Variants in ZNF184 observed in about 807,000 individuals in gnomAD.
The protein encoded by ZNF184 is zinc finger protein 184, also known as zinc finger protein 184 (Kruppel-like).
ZNF184 carries 16 observed loss-of-function variants against 54.4 expected under a neutral mutation model. The observed-to-expected ratio is 0.29, with a 90% CI of 0.20 to 0.45. The LOEUF (loss-of-function observed/expected upper bound fraction) is 0.45, where lower values mean the gene tolerates loss of function less well. Among genes scored for constraint, ZNF184 ranks in the 20% least tolerant of loss-of-function variants. The pLI is 1.00. For missense variants in ZNF184, 681 were observed against 888.2 expected (o/e 0.77, Z 2.97); for synonymous variants, 254 against 295.3 (o/e 0.86, Z 1.43).
intron 3 of ZNF184, among the ~76,000 whole-genome samples, chr6:27,462,713 A>G: frequency 6.6e-6 from 1 of 151,174 alleles, no homozygotes; most frequent in African/African-American, 2.4e-5. Context: ...AAGTGCAAAA[A>G]AATTAGCCAG....
chr6:27,448,555 A>G (rs1250496315), downstream of ZNF184, among the ~76,000 whole-genome samples: 1 of 151,870 alleles, frequency 6.6e-6, no homozygotes, highest in Non-Finnish European at 1.5e-5. Flanking sequence ...GAGGAACTAC[A>G]CCCCCAGCTC....
chr6:27,436,151 C>T, the ZNF184 span, among the ~76,000 whole-genome samples: 2 of 152,016 alleles, frequency 1.3e-5, no homozygotes, highest in Non-Finnish European at 2.9e-5. Flanking sequence ...GATTCCTAGT[C>T]TATGAGTATG....
chr6:27,456,887 C>G lies in ZNF184; in HGVS notation c.237G>C (p.Gln79His). The G allele has an allele frequency of 1.2e-6, 2 of 1,614,032 alleles. No homozygotes were observed. Among genetic ancestry groups the G allele is most frequent in the South Asian group, 2.2e-5 (2 of 91,082 alleles). ...LQVSKPDVIS[Q>H]LEQGTEPWIM... ...TCCATGGCTCTGTCCCTTGCTCTAA[C>G]TGGGAAATCACATCAGGTTTAGAAA... Residue 79 changes from glutamine (Q) to histidine (H), a missense_variant, in exon 5 of 6, where the codon CAG becomes CAC. Coordinates refer to ENST00000683788, the MANE Select transcript of ZNF184 (RefSeq NM_001318891.2).
At chr6:27,404,193 C>T in the ZNF184 span, 8 of 152,074 alleles carry the variant, frequency 5.3e-5, no homozygotes, top group African/African-American at 1.9e-4. Flanking sequence ...AGCATTCTGG[C>T]AACCAAAATG....
chr6:27,446,573 C>T (rs772647111), downstream of ZNF184, among the ~76,000 whole-genome samples: 8 of 152,156 alleles, frequency 5.3e-5, no homozygotes, highest in African/African-American at 9.7e-5. Flanking sequence ...AGAGCCCCTA[C>T]GACAATGACA....
At chr6:27,431,463 C>G in the ZNF184 span, among the ~76,000 whole-genome samples, 1 of 152,204 alleles carries the variant, frequency 6.6e-6, no homozygotes, top group African/African-American at 2.4e-5. Flanking sequence ...GGGAACAACT[C>G]TCTACCATCA....
At chr6:27,447,686 C>T (rs931828099), downstream of ZNF184, among the ~76,000 whole-genome samples, 3 of 152,118 alleles carry the variant, frequency 2.0e-5, no homozygotes, top group Non-Finnish European at 4.4e-5. Context: ...GCACTCCAGC[C>T]TGGGTGACAA....
At chr6:27,442,822 GAA>G in the ZNF184 span, among the ~76,000 whole-genome samples, 700 of 22,700 alleles carry the variant, frequency 0.031, 63 homozygotes, top group African/African-American at 0.11. Context: ...GAGAAAGAAA[GAA>G]AGAAAGAAAG....
chr6:27,465,511 C>CAAAAAAAAAAAAAAAAAAAA (rs1345135612), intron 3 of ZNF184, among the ~76,000 whole-genome samples: 2 of 88,444 alleles, frequency 2.3e-5, no homozygotes, highest in African/African-American at 4.3e-5. Context: ...AAAAAAAAAG[C>CAAAAAAAAAAAAAAAAAAAA]AAAACCCAAC....
intron 3 of ZNF184, 101 bp downstream of exon 3, chr6:27,467,752 G>A: frequency 8.7e-7 from 1 of 1,145,896 alleles, no homozygotes; most frequent in Non-Finnish European, 1.2e-6. Flanking sequence ...AGAATGAACT[G>A]CCAACATTGA....
At chr6:27,467,676 G>A (rs1763174492) in intron 3 of ZNF184, among the ~76,000 whole-genome samples, 177 bp downstream of exon 3, 1 of 152,186 alleles carries the variant, frequency 6.6e-6, no homozygotes, top group African/African-American at 2.4e-5. Context: ...GTGGTAAGTG[G>A]TGAATGTATT....
chr6:27,444,155 C>T, the ZNF184 span, among the ~76,000 whole-genome samples: 1 of 152,098 alleles, frequency 6.6e-6, no homozygotes, highest in African/African-American at 2.4e-5. Flanking sequence ...CTTCTAACAT[C>T]CCTTTATACC....
At chr6:27,419,563 T>C in the ZNF184 span, among the ~76,000 whole-genome samples, 274 of 152,230 alleles carry the variant, frequency 1.8e-3, 2 homozygotes, top group Non-Finnish European at 2.1e-3. The surrounding 1 kb of genome is among the most constrained non-coding windows in gnomAD (Gnocchi z 4.8). Flanking sequence ...GATAGATAGA[T>C]AGATAGATAG....
intron 3 of ZNF184, among the ~76,000 whole-genome samples, chr6:27,466,580 C>G (rs1763143746): frequency 6.6e-6 from 1 of 151,982 alleles, no homozygotes; most frequent in South Asian, 2.1e-4. Context: ...CACTCTCTTG[C>G]TTGTGGTAAT....
At chr6:27,445,100 A>T in the ZNF184 span, among the ~76,000 whole-genome samples, 1 of 152,214 alleles carries the variant, frequency 6.6e-6, no homozygotes, top group Non-Finnish European at 1.5e-5. Context: ...TTTTACTCCT[A>T]GGTTTATACC....
At position 27,452,023 on chromosome 6, in the gene ZNF184, A is replaced by G; in HGVS notation, c.1536T>C (p.Ser512=). ...GATGCTGATTAAGGTTTGAGAGATA[A>G]CTGAAAGCCTTTCCACATTCACTGC... ...FECSECGKAF[S]YLSNLNQHQK... Residue 512 remains serine (S), a synonymous_variant, in exon 6 of 6, where the codon AGT becomes AGC. Transcript: ENST00000683788. This position sits in a 1 kb window ranked among gnomAD's most constrained non-coding sequence, Gnocchi z 5.5. The G allele has an allele frequency of 6.2e-7, 1 of 1,613,938 alleles. No homozygotes were observed. Among genetic ancestry groups the G allele is most frequent in the Non-Finnish European group, 8.5e-7 (1 of 1,180,000 alleles).
chr6:27,457,262 A>C, intron 4 of ZNF184, 21 bp downstream of exon 4: 1 of 1,612,672 alleles, frequency 6.2e-7, no homozygotes, highest in Admixed American at 1.7e-5. Flanking sequence ...CTTGATATTA[A>C]CTCAGAGAAA....
At chr6:27,433,371 T>A in the ZNF184 span, among the ~76,000 whole-genome samples, 2 of 152,194 alleles carry the variant, frequency 1.3e-5, no homozygotes, top group Non-Finnish European at 2.9e-5. Context: ...ACATAAACTT[T>A]CCTATTTTAA....
the ZNF184 span, among the ~76,000 whole-genome samples, chr6:27,441,628 A>G: frequency 1.3e-5 from 2 of 152,196 alleles, no homozygotes; most frequent in African/African-American, 4.8e-5. Flanking sequence ...GGTGACACAA[A>G]TCTCCTAGGA....
Sources: allele counts gnomAD v4.1 joint callset (sites outside exome capture counted in the v4.1 genomes callset), GRCh38; gene constraint gnomAD v4.1.1; non-coding constraint Gnocchi (gnomAD v3.1); transcripts MANE v1.5; gene names NCBI Gene and HGNC (gene_info 2026-07-23, HGNC 2026-07-21).